VPS8: variants seen among roughly 807,000 people sequenced by gnomAD.
VPS8 encodes VPS8 subunit of CORVET complex, also known as vacuolar protein sorting-associated protein 8 homolog.
VPS8 carries 129 observed loss-of-function variants against 216.4 expected under a neutral mutation model. That is an observed-to-expected ratio of 0.60 (90% CI 0.52 to 0.69). VPS8 has a LOEUF of 0.69. Among genes scored for constraint, VPS8 ranks in the 30% least tolerant of loss-of-function variants. The pLI is 0.00. For missense variants in VPS8, 1,531 were observed against 1,683.5 expected, an observed-to-expected ratio of 0.91 and a Z score of 1.59; for synonymous variants, 571 against 565.4, an observed-to-expected ratio of 1.01 and a Z score of -0.14.
At position 184,915,013 on chromosome 3, in the gene VPS8, G is replaced by A. The variant is rs1737278041; in HGVS notation, c.2222G>A (p.Gly741Asp). The change falls in exon 27 of 48, where the codon GGT becomes GAT. Residue 741 changes from glycine (G) to aspartate (D), a missense_variant. By Grantham distance (94) the Gly-to-Asp change is moderately conservative. Coordinates refer to ENST00000625842, the MANE Select transcript of VPS8 (RefSeq NM_001009921.3). ...CCLAGRAYPL[G>D]DIPEDLVPLV... The stretch of plus-strand genomic sequence containing the variant: ...CTAGCAGGTCGTGCCTATCCCCTTG[G>A]TGACATCCCTGAAGATCTGGTTCCC... 2 of 1,613,794 alleles carry A rather than the reference G, an allele frequency of 1.2e-6. No individual in the cohort carries two copies. The highest frequency in any genetic ancestry group is 4.5e-5 in the East Asian group (2 of 44,894).
intron 46 of VPS8, among the ~76,000 whole-genome samples, chr3:185,036,445 A>G (rs1465677220): frequency 1.3e-5 from 2 of 152,324 alleles, no homozygotes; most frequent in East Asian, 1.9e-4. Flanking sequence ...GAAAACTCAG[A>G]AATAAAGCCT....
At chr3:185,012,700 A>T (rs1008319911) in intron 45 of VPS8, among the ~76,000 whole-genome samples, 1 of 152,072 alleles carries the variant, frequency 6.6e-6, no homozygotes, top group Non-Finnish European at 1.5e-5. Context: ...ATAAGCTGGC[A>T]TTTAAAATGC....
intron 45 of VPS8, among the ~76,000 whole-genome samples, chr3:185,009,612 G>A (rs916113785): frequency 5.3e-5 from 8 of 152,024 alleles, no homozygotes; most frequent in Non-Finnish European, 7.4e-5. Flanking sequence ...AGTTTTTTGC[G>A]GGGGGTAGGG....
At chr3:185,047,696 T>A (rs1184242457) in intron 46 of VPS8, among the ~76,000 whole-genome samples, 1 of 152,180 alleles carries the variant, frequency 6.6e-6, no homozygotes, top group Non-Finnish European at 1.5e-5. Context: ...TCATTTAATT[T>A]TTGGTAATCT....
chr3:184,975,765 G>A (rs887727480), intron 40 of VPS8, among the ~76,000 whole-genome samples: 1 of 152,094 alleles, frequency 6.6e-6, no homozygotes, highest in Non-Finnish European at 1.5e-5. Flanking sequence ...ATGAAGAGAT[G>A]TTGAATTTTG....
intron 40 of VPS8, among the ~76,000 whole-genome samples, chr3:184,977,690 C>T (rs1749507400): frequency 6.6e-6 from 1 of 151,062 alleles, no homozygotes; most frequent in South Asian, 2.1e-4. Flanking sequence ...TATCCTAGCA[C>T]CCTTTCTTGA....
chr3:184,965,138 C>T (rs1044772977), intron 38 of VPS8, among the ~76,000 whole-genome samples: 5 of 152,048 alleles, frequency 3.3e-5, no homozygotes, highest in Admixed American at 6.5e-5. Context: ...GGTGAAGTGA[C>T]GTAGCAGTTT....
At chr3:184,922,503 A>C (rs1738812832) in intron 29 of VPS8, 1 of 441,328 alleles carries the variant, frequency 2.3e-6, no homozygotes, top group Non-Finnish European at 4.5e-6. Context: ...TTACATTGTA[A>C]TTTGAGTTTA....
At chr3:184,931,223 C>T (rs889412145) in intron 34 of VPS8, among the ~76,000 whole-genome samples, 2 of 152,122 alleles carry the variant, frequency 1.3e-5, no homozygotes, top group East Asian at 3.8e-4. Flanking sequence ...CAGAATCCAA[C>T]AGAACTAGCA....
At chr3:184,897,341 G>A (rs76083391) in intron 23 of VPS8, among the ~76,000 whole-genome samples, 4,694 of 152,150 alleles carry the variant, frequency 0.031, 256 homozygotes, top group African/African-American at 0.11. Context: ...GAGAGTGTGG[G>A]AATGAGAGAA....
chr3:185,025,793 CAT>C (rs1370192068), intron 46 of VPS8, among the ~76,000 whole-genome samples: 1 of 152,192 alleles, frequency 6.6e-6, no homozygotes, highest in African/African-American at 2.4e-5. Flanking sequence ...ACACTTCTAA[CAT>C]AGTGATGTCA....
chr3:184,944,309 C>A (rs1415928000), intron 36 of VPS8, among the ~76,000 whole-genome samples: 2 of 152,140 alleles, frequency 1.3e-5, no homozygotes, highest in Non-Finnish European at 2.9e-5. Context: ...GGGATTAATC[C>A]TCCAGAAGGA....
At chr3:184,933,912 T>A (rs937336995) in intron 34 of VPS8, among the ~76,000 whole-genome samples, 1 of 152,222 alleles carries the variant, frequency 6.6e-6, no homozygotes, top group Non-Finnish European at 1.5e-5. Context: ...TAACAGAATC[T>A]TGGCTATTAT....
intron 46 of VPS8, among the ~76,000 whole-genome samples, chr3:185,039,462 T>G (rs1018509874): frequency 1.3e-5 from 2 of 151,810 alleles, no homozygotes; most frequent in Non-Finnish European, 2.9e-5. Context: ...AGAGATCACG[T>G]TGTTACCAAG....
chr3:184,984,194 A>AAAAAACTCACCAAG lies in VPS8; in HGVS notation c.3585+1100_3585+1101insAAAAACTCACCAAG. On this transcript the variant is annotated intron_variant, in intron 42 of 47. Transcript: ENST00000625842. ...GCGAGACTCCGTCTCAAAAAAAAAAACTCTACTTCCCATCTGATATTAAGC... is the reference window on the plus strand; with the variant it reads ...GCGAGACTCCGTCTCAAAAAAAAAAAAAAAACTCACCAAGCTCTACTTCCCATCTGATATTAAGC... Among the ~76,000 whole-genome samples, 26 of 46,530 alleles carry AAAAAACTCACCAAG rather than the reference A, an allele frequency of 5.6e-4. 8 individuals carry two copies. Among genetic ancestry groups the AAAAAACTCACCAAG allele is most frequent in the Non-Finnish European group, 9.7e-4 (24 of 24,750 alleles). The allele number at this position is 46,530 out of a possible 152,430, so 30.5% of individuals were successfully genotyped here.
intron 15 of VPS8, among the ~76,000 whole-genome samples, chr3:184,862,409 C>T (rs1726544306): frequency 6.6e-6 from 1 of 152,204 alleles, no homozygotes; most frequent in East Asian, 1.9e-4. Context: ...AAAGGACTCT[C>T]ATAATTTTAA....
At chr3:184,840,156 A>G (rs1275772001) in intron 7 of VPS8, 1 of 158,368 alleles carries the variant, frequency 6.3e-6, no homozygotes, top group Non-Finnish European at 1.4e-5. Flanking sequence ...AATTTTCAGG[A>G]GCTCTCACTG....
At chr3:184,901,019 T>C (rs1734389586) in intron 25 of VPS8, 47 bp downstream of exon 25, 1 of 1,551,458 alleles carries the variant, frequency 6.4e-7, no homozygotes, top group Admixed American at 1.9e-5. Context: ...GTATTTAAGG[T>C]ATTATTTAAA....
At chr3:184,882,980 T>G (rs1730537755) in intron 21 of VPS8, among the ~76,000 whole-genome samples, 2 of 152,176 alleles carry the variant, frequency 1.3e-5, no homozygotes, top group Non-Finnish European at 2.9e-5. Context: ...ATCAGGAAGA[T>G]AAAACACCTT....
Sources: gnomAD v4.1 joint callset for allele counts (sites outside exome capture counted in the v4.1 genomes callset) on GRCh38, gnomAD v4.1.1 for gene constraint, MANE v1.5 for transcripts, NCBI Gene and HGNC (gene_info 2026-07-23, HGNC 2026-07-21) for gene names.